The following GRIA4 variants were observed in gnomAD, a reference collection of about 807,000 sequenced individuals.
GRIA4 encodes glutamate receptor 4.
Under a neutral mutation model 104.0 loss-of-function variants are expected in GRIA4, and 34 were observed. The ratio of observed to expected loss-of-function variants is 0.33; its 90% CI spans 0.25 to 0.44. The LOEUF is 0.44. GRIA4 is among the 20% of genes least tolerant of loss of function. The probability of loss-of-function intolerance (pLI) is 1.00; values close to 1 mark genes in which losing one functional copy is unlikely to be tolerated. For synonymous variants in GRIA4, 386 were observed against 381.9 expected (o/e 1.01, Z -0.13); for missense variants, 750 against 1,096.5 (o/e 0.68, Z 4.46).
chr11:105,823,689 G>A (rs1943660189), intron 4 of GRIA4, among the ~76,000 whole-genome samples: 1 of 152,072 alleles, frequency 6.6e-6, no homozygotes, highest in African/African-American at 2.4e-5. Flanking sequence ...GACTGACAAT[G>A]GAGTTTGATG....
Position 105,924,387 on chromosome 11 carries a change from T to C in GRIA4, c.1477-12T>C, listed in dbSNP as rs774824048. 6.4e-7 allele frequency: 1 copy of C among 1,562,538 alleles called. No homozygotes were observed. Among genetic ancestry groups the C allele is most frequent in the Non-Finnish European group, 8.7e-7 (1 of 1,150,660 alleles). Reference sequence around the variant, plus strand: ...TTAACCTATGTGTCTCCATGTGTTTTTTCTCTTATAGAAAGCAGAGATTGC... The same window carrying C: ...TTAACCTATGTGTCTCCATGTGTTTCTTCTCTTATAGAAAGCAGAGATTGC... On this transcript the variant is annotated splice_polypyrimidine_tract_variant and intron_variant, in intron 11 of 16. Transcript: ENST00000282499.
At chr11:105,671,429 C>G (rs1819714395) in intron 3 of GRIA4, among the ~76,000 whole-genome samples, 1 of 151,788 alleles carries the variant, frequency 6.6e-6, no homozygotes, top group Non-Finnish European at 1.5e-5. Context: ...GTAATCCCAG[C>G]AATTTGGGAG....
chr11:105,730,355 A>C (rs1215612755), intron 3 of GRIA4, among the ~76,000 whole-genome samples: 1 of 152,192 alleles, frequency 6.6e-6, no homozygotes, highest in Admixed American at 6.5e-5. Flanking sequence ...AGAACTACAA[A>C]CCACTGCTCA....
rs1459984641 is a variant in GRIA4 at position 105,911,911 on chromosome 11, A to C, written c.1269+1366A>C. ...AGAATCCTATTTTAAGAAATTGATC[A>C]AGAAAGAAAAGAGTTCCGCGCTGTT... On this transcript the variant is annotated intron_variant, in intron 10 of 16. Transcript: ENST00000282499. 2.6e-6 allele frequency: 4 copies of C among 1,558,988 alleles called. 1 individual carries two copies. The South Asian group carries it at 4.5e-5, about 18-fold the overall frequency.
chr11:105,733,498 C>G (rs1299173530), intron 3 of GRIA4, among the ~76,000 whole-genome samples: 1 of 151,992 alleles, frequency 6.6e-6, no homozygotes, highest in African/African-American at 2.4e-5. Flanking sequence ...GCTCTGTCAC[C>G]CAGGCTGGAG....
rs572150294 is a variant in GRIA4, at chr11:105,692,559, T to G, written c.248-60422T>G. ...TGTTCCCCTTGACAAATCGAAAGGA[T>G]AGCTCACCATACTTATTTAACTGCT... On this transcript the variant is annotated intron_variant, in intron 3 of 16. Transcript: ENST00000282499. 2.7e-4 allele frequency among the ~76,000 whole-genome samples: 41 copies of G among 152,344 alleles called. 1 individual carries two copies. The South Asian group carries it at 8.5e-3, about 32-fold the overall frequency.
chr11:105,799,458 T>C (rs1430419482), intron 4 of GRIA4, among the ~76,000 whole-genome samples: 1 of 151,938 alleles, frequency 6.6e-6, no homozygotes, highest in Non-Finnish European at 1.5e-5. Flanking sequence ...ACAACGGGTA[T>C]AGGGTGATGC....
chr11:105,821,012 G>T (rs962022874), intron 4 of GRIA4, among the ~76,000 whole-genome samples: 7 of 151,982 alleles, frequency 4.6e-5, no homozygotes, highest in Non-Finnish European at 1.0e-4. Flanking sequence ...TGTTTAAATT[G>T]GTTCTCTATT....
chr11:105,690,592 A>G (rs567646895), intron 3 of GRIA4, among the ~76,000 whole-genome samples: 1 of 152,358 alleles, frequency 6.6e-6, no homozygotes, highest in African/African-American at 2.4e-5. Context: ...CAAATGAAGA[A>G]TTAGGAATGT....
At chr11:105,697,235 A>G (rs1014497656) in intron 3 of GRIA4, among the ~76,000 whole-genome samples, 1 of 152,172 alleles carries the variant, frequency 6.6e-6, no homozygotes, top group East Asian at 1.9e-4. Context: ...GTAGTTCTTC[A>G]CCTGTATTGG....
chr11:105,754,159 C>T lies in GRIA4; in HGVS notation c.487+939C>T, dbSNP rs1052488272. ...TCCCATCTTGGAGCTATCTAAGGGC[C>T]CCCAACCACCAGTTATCTCATTAGC... On this transcript the variant is annotated intron_variant, in intron 4 of 16. Transcript: ENST00000282499. Among the ~76,000 whole-genome samples the T allele has an allele frequency of 1.4e-4, 22 of 152,004 alleles. 1 individual carries two copies. Among genetic ancestry groups the T allele is most frequent in the African/African-American group, 3.9e-4 (16 of 41,368 alleles).
chr11:105,687,463 C>A (rs1021177533), intron 3 of GRIA4, among the ~76,000 whole-genome samples: 1 of 152,176 alleles, frequency 6.6e-6, no homozygotes, highest in Non-Finnish European at 1.5e-5. Context: ...GAAGGGGCTT[C>A]TCCTGAGGAA....
intron 3 of GRIA4, among the ~76,000 whole-genome samples, chr11:105,623,461 G>C (rs543510509): frequency 6.6e-6 from 1 of 151,782 alleles, no homozygotes; most frequent in Non-Finnish European, 1.5e-5. Flanking sequence ...ACTTTTCATT[G>C]CTTTAGAATA....
chr11:105,958,685 A>C (rs915387222), intron 14 of GRIA4, among the ~76,000 whole-genome samples: 6 of 152,022 alleles, frequency 3.9e-5, no homozygotes, highest in Non-Finnish European at 8.8e-5. Flanking sequence ...TTTCAGAAGG[A>C]ATGGCACCAG....
intron 5 of GRIA4, among the ~76,000 whole-genome samples, chr11:105,886,352 C>T (rs180885768): frequency 0.013 from 1,949 of 152,294 alleles, 17 homozygotes; most frequent in South Asian, 0.044. Context: ...TCCAATTACA[C>T]ACTTTTAGTT....
At chr11:105,637,660 T>C (rs1478623128) in intron 3 of GRIA4, among the ~76,000 whole-genome samples, 1 of 152,196 alleles carries the variant, frequency 6.6e-6, no homozygotes, top group Non-Finnish European at 1.5e-5. Context: ...GGACATGTTT[T>C]AGGAGAGTGT....
At chr11:105,960,667 C>G (rs1342202943) in intron 14 of GRIA4, among the ~76,000 whole-genome samples, 1 of 152,234 alleles carries the variant, frequency 6.6e-6, no homozygotes, top group Non-Finnish European at 1.5e-5. Context: ...GCCCCTCCCC[C>G]CGGGAGTTCC....
rs182588296 is a variant in GRIA4, at chr11:105,835,219, A to G, written c.488-26805A>G. 4.2e-3 allele frequency among the ~76,000 whole-genome samples: 635 copies of G among 152,140 alleles called. 4 individuals are homozygous for G. The highest frequency in any genetic ancestry group is 7.3e-3 in the Non-Finnish European group (496 of 67,988). On this transcript the variant is annotated intron_variant, in intron 4 of 16. Coordinates refer to ENST00000282499, the MANE Select transcript of GRIA4 (RefSeq NM_000829.4). ...GAAAGAAAAAATTAATTATATTGCCAACTTGTAAGTAGAGATTTTCTTCAT... is the reference window on the plus strand; with the variant it reads ...GAAAGAAAAAATTAATTATATTGCCGACTTGTAAGTAGAGATTTTCTTCAT...
chr11:105,895,252 CGTGT>C (rs59472131), intron 6 of GRIA4, among the ~76,000 whole-genome samples: 22 of 148,756 alleles, frequency 1.5e-4, no homozygotes, highest in South Asian at 2.1e-4. Context: ...CGAGCTCATG[CGTGT>C]GTGTGTGTGT....
Sources: gnomAD v4.1 joint callset for allele counts (sites outside exome capture counted in the v4.1 genomes callset) on GRCh38, gnomAD v4.1.1 for gene constraint, MANE v1.5 for transcripts, NCBI Gene and HGNC (gene_info 2026-07-23, HGNC 2026-07-21) for gene names.